The following LGI2 variants were observed in gnomAD, a reference collection of about 807,000 sequenced individuals.
The protein encoded by LGI2 is leucine rich repeat LGI family member 2.
A neutral mutation model predicts 52.0 loss-of-function variants in LGI2; 30 were observed. That is an observed-to-expected ratio of 0.58 (90% CI 0.43 to 0.78). The LOEUF is 0.78. Among genes scored for constraint, LGI2 ranks in the 30% least tolerant of loss-of-function variants. The probability of loss-of-function intolerance (pLI) is 0.00; values close to 1 mark genes in which losing one functional copy is unlikely to be tolerated. For missense variants in LGI2, 573 were observed against 692.5 expected (o/e 0.83, Z 1.94); for synonymous variants, 270 against 271.8 (o/e 0.99, Z 0.06).
chr4:25,006,562 AATT>A (rs1725398012), intron 7 of LGI2, among the ~76,000 whole-genome samples: 1 of 152,152 alleles, frequency 6.6e-6, no homozygotes. Flanking sequence ...GTTTAAAACT[AATT>A]ATTGCATTGT....
At chr4:25,013,488 C>T (rs1725655708) in intron 6 of LGI2, among the ~76,000 whole-genome samples, 1 of 152,166 alleles carries the variant, frequency 6.6e-6, no homozygotes, top group Non-Finnish European at 1.5e-5. Context: ...TGGTGAAGGG[C>T]TTCTGATTCA....
chr4:25,027,394 TAA>T (rs10615910), intron 2 of LGI2, among the ~76,000 whole-genome samples: 94,176 of 144,276 alleles, frequency 0.65, 30,462 homozygotes, highest in South Asian at 0.87. Flanking sequence ...TAACAATAGT[TAA>T]AAAAAAAAAA....
chr4:25,010,980 G>A (rs1221267560), intron 7 of LGI2, among the ~76,000 whole-genome samples: 1 of 151,932 alleles, frequency 6.6e-6, no homozygotes, highest in Admixed American at 6.6e-5. Flanking sequence ...TACTTGGGAG[G>A]CTGGGGCAGG....
rs753888729 is a variant in LGI2, at chr4:25,003,642, C to CCT, written c.1446_1447insAG (p.Asp483ArgfsTer58). On this transcript the variant is annotated frameshift_variant, in exon 8 of 8. Coordinates refer to ENST00000382114, the MANE Select transcript of LGI2 (RefSeq NM_018176.4). LOFTEE classifies it high-confidence loss of function. ...TGGTATATCTGAGAGAATGTATAGT[C>CCT]ACTCCCCAGGGCCAGGTAGTGATTA... 6.2e-7 allele frequency: 1 copy of CCT among 1,614,158 alleles called. No homozygotes were observed. Among genetic ancestry groups the CCT allele is most frequent in the Non-Finnish European group, 8.5e-7 (1 of 1,180,024 alleles).
chr4:25,030,621 G>C lies in LGI2; in HGVS notation c.73C>G (p.Pro25Ala), dbSNP rs373130650. ...AGCCGCCTCACCTGCGCGCTCCGCG[G>C]TATCAGGCACGCGGCGCCCAGCAGC... ...LLLLGAACLI[P>A]RSAQVRRLAR... is the part of the protein sequence containing the mutation. Residue 25 changes from proline to alanine, a missense_variant, in exon 1 of 8, where the codon CCG becomes GCG. Physicochemically the swap from Pro to Ala is conservative, Grantham distance 27. Transcript: ENST00000382114. 8.4e-6 allele frequency: 13 copies of C among 1,556,114 alleles called. No individual in the cohort carries two copies. The highest frequency in any genetic ancestry group is 1.1e-5 in the Non-Finnish European group (13 of 1,151,516).
At chr4:25,013,250 C>G (rs912887226) in intron 6 of LGI2, among the ~76,000 whole-genome samples, 1 of 152,194 alleles carries the variant, frequency 6.6e-6, no homozygotes, top group Non-Finnish European at 1.5e-5. Context: ...CTTACTGAAT[C>G]CTTGTTGGCT....
At chr4:25,019,278 C>T in intron 4 of LGI2, 40 bp from the exon 5 acceptor site, 1 of 1,335,896 alleles carries the variant, frequency 7.5e-7, no homozygotes, top group Non-Finnish European at 1.1e-6. Context: ...ATTATTATCT[C>T]ATGCCCTGTC....
intron 5 of LGI2, among the ~76,000 whole-genome samples, chr4:25,018,446 T>A (rs1725841089): frequency 6.6e-6 from 1 of 152,224 alleles, no homozygotes; most frequent in Non-Finnish European, 1.5e-5. Context: ...CTCCACGCCA[T>A]GCCAGAAATG....
In LGI2 at chr4:25,004,343, A is replaced by G. The variant is rs1487684230; in HGVS notation, c.821-75T>C. The G allele has an allele frequency of 1.5e-5, 20 of 1,297,112 alleles. No individual in the cohort carries two copies. The highest frequency in any genetic ancestry group is 4.3e-5 in the Admixed American group (2 of 46,702). The allele number at this position is 1,297,112 out of a possible 1,614,324, so 80.4% of individuals were successfully genotyped here. ...CGCATCTCCGCTTGTACTCTTATAC[A>G]CTGCTGGTGGGAGTGTGAAATGGCA... is the stretch of plus-strand genomic sequence containing the variant. On this transcript the variant is annotated intron_variant, in intron 7 of 7. Transcript: ENST00000382114. This position sits in a 1 kb window ranked among gnomAD's most constrained non-coding sequence, Gnocchi z 4.6.
chr4:25,025,236 A>G (rs1341265224), intron 3 of LGI2, among the ~76,000 whole-genome samples: 1 of 152,224 alleles, frequency 6.6e-6, no homozygotes, highest in Non-Finnish European at 1.5e-5. Context: ...GCACTTCCAG[A>G]CATTTTCCCT....
Position 25,026,907 on chromosome 4 carries a change from C to G in LGI2, c.302G>C (p.Arg101Pro), listed in dbSNP as rs138015592. The G allele has an allele frequency of 6.2e-7, 1 of 1,613,562 alleles. No homozygotes were observed. Among genetic ancestry groups the G allele is most frequent in the Non-Finnish European group, 8.5e-7 (1 of 1,179,540 alleles). The change falls in exon 3 of 8, where the codon CGG becomes CCG. Residue 101 changes from arginine to proline, a missense_variant. Transcript: ENST00000382114. ...AAAAAGTCCAGCAAAAGCATCATCC[C>G]GGATGATCGTGAATGAGTTAGAATT... is the stretch of plus-strand genomic sequence containing the variant. ...LLNSNSFTII[R>P]DDAFAGLFHL...
intron 7 of LGI2, among the ~76,000 whole-genome samples, chr4:25,006,962 T>G (rs1358874500): frequency 1.3e-5 from 2 of 152,230 alleles, no homozygotes; most frequent in Non-Finnish European, 2.9e-5. Flanking sequence ...AATATCTTGA[T>G]ATATTATTTA....
At chr4:24,997,514 T>A (rs1725113663), downstream of LGI2, among the ~76,000 whole-genome samples, 1 of 152,208 alleles carries the variant, frequency 6.6e-6, no homozygotes, top group Admixed American at 6.5e-5. Context: ...GGCCATTCTC[T>A]CCAAAATGAT....
At chr4:25,021,963 C>T (rs1174795072) in intron 4 of LGI2, among the ~76,000 whole-genome samples, 3 of 150,320 alleles carry the variant, frequency 2.0e-5, no homozygotes, top group African/African-American at 7.4e-5. Flanking sequence ...AGCCACCTGA[C>T]TTGTCCAGAA....
chr4:25,030,526 G>T lies in LGI2; in HGVS notation c.168C>A (p.Pro56=). 1 of 1,596,280 alleles carries T rather than the reference G, an allele frequency of 6.3e-7. No individual in the cohort carries two copies. Reference sequence around the variant, plus strand: ...AGCTGATGTCGCCCGGCACGATCCTGGGCACCCAGGAAGAGCCCACGCAGA... The same window carrying T: ...AGCTGATGTCGCCCGGCACGATCCTTGGCACCCAGGAAGAGCCCACGCAGA... ...SIICVGSSWV[P]RIVPGDISSL... is the part of the protein sequence containing the mutation. Residue 56 remains proline (P), a synonymous_variant, in exon 1 of 8, where the codon CCC becomes CCA. Transcript: ENST00000382114.
chr4:25,028,958 A>G (rs1233477773), intron 1 of LGI2, among the ~76,000 whole-genome samples: 1 of 152,220 alleles, frequency 6.6e-6, no homozygotes, highest in African/African-American at 2.4e-5. Flanking sequence ...GTGTTGGCCT[A>G]TGAAATGCTG....
chr4:25,008,115 C>A (rs1725453030), intron 7 of LGI2, among the ~76,000 whole-genome samples: 3 of 152,198 alleles, frequency 2.0e-5, no homozygotes, highest in Admixed American at 2.0e-4. Flanking sequence ...TTCTGTAGCA[C>A]CACCTTCTAC....
At chr4:24,995,966 TA>T (rs1725063609), downstream of LGI2, among the ~76,000 whole-genome samples, 1 of 152,198 alleles carries the variant, frequency 6.6e-6, no homozygotes, top group South Asian at 2.1e-4. Context: ...AATGGTGATG[TA>T]AAGGTGAGCT....
At chr4:25,026,974 T>C (rs1310179207) in intron 2 of LGI2, 35 bp from the exon 3 acceptor site, 1 of 1,509,744 alleles carries the variant, frequency 6.6e-7, no homozygotes, top group African/African-American at 1.4e-5. Flanking sequence ...TGGAGAGATG[T>C]AAAACTTGAG....
Sources: gnomAD v4.1 joint callset for allele counts (sites outside exome capture counted in the v4.1 genomes callset) on GRCh38, gnomAD v4.1.1 for gene constraint, Gnocchi (gnomAD v3.1) non-coding constraint, MANE v1.5 for transcripts, NCBI Gene and HGNC (gene_info 2026-07-23, HGNC 2026-07-21) for gene names.